Variants in COA8 observed in about 807,000 individuals in gnomAD.
COA8 encodes the protein cytochrome c oxidase assembly factor 8.
In COA8, 20 loss-of-function variants were observed where a neutral mutation model predicts 22.0. That is an observed-to-expected ratio of 0.91 (90% CI 0.64 to 1.32). The LOEUF is 1.32. Ranked by LOEUF, COA8 falls within the 40% of genes most tolerant of loss-of-function variation. The pLI is 0.00. For missense variants in COA8, 266 were observed against 230.0 expected (o/e 1.16, Z -1.01); for synonymous variants, 105 against 79.9 (o/e 1.31, Z -1.68).
chr14:103,572,139 GA>G (rs1320181361), intron 2 of COA8, among the ~76,000 whole-genome samples: 23 of 149,990 alleles, frequency 1.5e-4, no homozygotes, highest in African/African-American at 4.7e-4. Flanking sequence ...AAAAAAAAAA[GA>G]AAAAAAAGTT....
chr14:103,564,820 A>G (rs1298956952), intron 1 of COA8, among the ~76,000 whole-genome samples: 1 of 152,040 alleles, frequency 6.6e-6, no homozygotes, highest in African/African-American at 2.4e-5. Flanking sequence ...ACCTCAAGTG[A>G]TGCGCCTGCC....
At chr14:103,564,382 C>A (rs1009100734) in intron 1 of COA8, among the ~76,000 whole-genome samples, 9 of 152,080 alleles carry the variant, frequency 5.9e-5, no homozygotes, top group African/African-American at 1.9e-4. Context: ...AACATAGAAA[C>A]CCACCCAGCA....
chr14:103,569,097 A>C (rs2076160887), intron 1 of COA8, among the ~76,000 whole-genome samples: 1 of 152,168 alleles, frequency 6.6e-6, no homozygotes, highest in Non-Finnish European at 1.5e-5. Context: ...CCCCGCAGAC[A>C]TGAGGGCCGG....
At chr14:103,569,673 TA>T (rs1192053982) in intron 1 of COA8, among the ~76,000 whole-genome samples, 2 of 152,190 alleles carry the variant, frequency 1.3e-5, no homozygotes, top group African/African-American at 2.4e-5. Context: ...GGCCACAGTC[TA>T]GGGGGGTGGA....
chr14:103,574,732 A>T lies in COA8; in HGVS notation c.385+562A>T, dbSNP rs989726286. The T allele has an allele frequency of 3.3e-5, 9 of 276,694 alleles. No homozygotes were observed. In the East Asian group the frequency reaches 9.0e-4, roughly 28 times the overall value. 17.1% of individuals were successfully genotyped at this position (276,694 alleles called of 1,614,324 possible). On this transcript the variant is annotated intron_variant, in intron 3 of 4. Coordinates refer to ENST00000409074, the MANE Select transcript of COA8 (RefSeq NM_001370595.2). ...AGGGCCAGGAGCTTGAGTCACCCCC[A>T]TGCCAGGACCTCTGTTGCTATTTGC...
Position 103,563,035 on chromosome 14 carries a change from CT to C in COA8, c.35del (p.Leu12ProfsTer45), listed in dbSNP as rs2076097962. The C allele has an allele frequency of 6.5e-7, 1 of 1,547,462 alleles. No homozygotes were observed. The highest frequency in any genetic ancestry group is 1.4e-5 in the African/African-American group (1 of 73,648). On this transcript the variant is annotated frameshift_variant, in exon 1 of 5. Transcript: ENST00000409074. LOFTEE classifies it high-confidence loss of function. Reference protein sequence around the residue: ...VVLRAGKKTFLPPLCRAFACR... With the variant: ...VVLRAGKKTFXPPLCRAFACR... ...CTTGCGGGCGGGGAAGAAGACCTTT[CT>C]CCCCCCTCTCTGCCGCGCCTTCGCC...
At chr14:103,587,042 C>T (rs1458814260) in intron 3 of COA8, among the ~76,000 whole-genome samples, 1 of 152,142 alleles carries the variant, frequency 6.6e-6, no homozygotes, top group African/African-American at 2.4e-5. Context: ...TACACGTCTC[C>T]TCTCAAATTT....
chr14:103,587,209 T>C, intron 3 of COA8, 65 bp from the exon 4 acceptor site: 1 of 1,331,712 alleles, frequency 7.5e-7, no homozygotes, highest in Non-Finnish European at 1.1e-6. Context: ...ATTTATTAGC[T>C]CTAATAGTTT....
intron 2 of COA8, 60 bp downstream of exon 2, chr14:103,571,880 C>G: frequency 1.4e-6 from 2 of 1,462,652 alleles, no homozygotes; most frequent in Non-Finnish European, 1.9e-6. Context: ...GTAATCCCAG[C>G]ACTTCGGGAT....
chr14:103,576,353 A>ATG (rs1595143101), intron 3 of COA8, among the ~76,000 whole-genome samples: 1 of 152,180 alleles, frequency 6.6e-6, no homozygotes, highest in South Asian at 2.1e-4. Context: ...AAAGAGTTAG[A>ATG]TACATAGTTC....
chr14:103,581,101 G>C lies in COA8; in HGVS notation c.386-6173G>C, dbSNP rs1369675158. 2.0e-5 allele frequency among the ~76,000 whole-genome samples: 3 copies of C among 152,028 alleles called. No individual in the cohort carries two copies. In the East Asian group the frequency reaches 5.8e-4, roughly 29 times the overall value. On this transcript the variant is annotated intron_variant, in intron 3 of 4. Transcript: ENST00000409074. This position sits in a 1 kb window ranked among gnomAD's most constrained non-coding sequence, Gnocchi z 4.1. ...AGGCGTGAGCCACCGCGCCCAGCCT[G>C]TTACACCATTTTATATAAAGGATTT...
chr14:103,569,756 T>TTGGGGGAGAAGCCCATGAACA (rs1323932437), intron 1 of COA8, among the ~76,000 whole-genome samples: 2 of 152,214 alleles, frequency 1.3e-5, no homozygotes. Context: ...ATGCAAAGAC[T>TTGGGGGAGAAGCCCATGAACA]TGGGGGAGAA....
At chr14:103,580,607 C>T (rs188160576) in intron 3 of COA8, among the ~76,000 whole-genome samples, 134 of 152,222 alleles carry the variant, frequency 8.8e-4, no homozygotes, top group African/African-American at 3.1e-3. Flanking sequence ...AATCCTCCTG[C>T]CTCAGCCTCC....
intron 1 of COA8, among the ~76,000 whole-genome samples, chr14:103,570,141 G>A (rs2076171689): frequency 6.6e-6 from 1 of 152,150 alleles, no homozygotes; most frequent in South Asian, 2.1e-4. Flanking sequence ...ACAGGCGTGA[G>A]CCACCGCACC....
At chr14:103,563,558 G>T (rs1281864050) in intron 1 of COA8, among the ~76,000 whole-genome samples, 1 of 152,210 alleles carries the variant, frequency 6.6e-6, no homozygotes, top group East Asian at 1.9e-4. Flanking sequence ...AGCACTTCAC[G>T]TTGAATAGTT....
intron 3 of COA8, among the ~76,000 whole-genome samples, chr14:103,574,900 C>G (rs2076219128): frequency 6.6e-6 from 1 of 152,218 alleles, no homozygotes; most frequent in Non-Finnish European, 1.5e-5. Flanking sequence ...TGTGCAAGTC[C>G]TGTGCATATA....
intron 1 of COA8, among the ~76,000 whole-genome samples, chr14:103,568,566 T>C (rs2076154422): frequency 8.7e-6 from 1 of 114,664 alleles, no homozygotes; most frequent in African/African-American, 3.2e-5. Context: ...TACACACATA[T>C]ATACGTGTGT....
intron 3 of COA8, among the ~76,000 whole-genome samples, chr14:103,576,169 G>A (rs1386032359): frequency 3.9e-5 from 6 of 152,300 alleles, no homozygotes; most frequent in Admixed American, 2.0e-4. Flanking sequence ...AGCTGGTCGT[G>A]GTGGCACTTG....
chr14:103,584,556 T>C (rs2076291550), intron 3 of COA8, among the ~76,000 whole-genome samples: 2 of 152,202 alleles, frequency 1.3e-5, no homozygotes, highest in African/African-American at 4.8e-5. Flanking sequence ...GTGGGTCTTA[T>C]GATCACGAAC....
Sources: allele counts gnomAD v4.1 joint callset (sites outside exome capture counted in the v4.1 genomes callset), GRCh38; gene constraint gnomAD v4.1.1; non-coding constraint Gnocchi (gnomAD v3.1); transcripts MANE v1.5; gene names NCBI Gene and HGNC (gene_info 2026-07-23, HGNC 2026-07-21).